SIMC1: variants seen among roughly 807,000 people sequenced by gnomAD.
SIMC1 encodes the protein SUMO interacting motifs containing 1, also known as SUMO-interacting motif-containing protein 1.
SIMC1 carries 55 observed loss-of-function variants against 82.3 expected under a neutral mutation model. The observed-to-expected ratio is 0.67, with a 90% CI of 0.54 to 0.84. The LOEUF (loss-of-function observed/expected upper bound fraction) is 0.84, where lower values mean the gene tolerates loss of function less well. Ranked by LOEUF, SIMC1 falls within the 40% of genes least tolerant of loss-of-function variation. The probability of loss-of-function intolerance (pLI) is 0.00; values close to 1 mark genes in which losing one functional copy is unlikely to be tolerated. For missense variants in SIMC1, 915 were observed against 1,107.2 expected, an observed-to-expected ratio of 0.83 and a Z score of 2.46; for synonymous variants, 353 against 426.3, an observed-to-expected ratio of 0.83 and a Z score of 2.12.
intron 1 of SIMC1, among the ~76,000 whole-genome samples, chr5:176,245,020 C>T (rs1398689121): frequency 6.6e-6 from 1 of 152,106 alleles, no homozygotes; most frequent in African/African-American, 2.4e-5. Context: ...CGCACCCGGC[C>T]AACATTTCTT....
At chr5:176,253,954 T>C (rs1761772479) in intron 1 of SIMC1, among the ~76,000 whole-genome samples, 1 of 152,216 alleles carries the variant, frequency 6.6e-6, no homozygotes, top group Admixed American at 6.5e-5. Context: ...GTGACACCTT[T>C]TGTAACTGTG....
intron 1 of SIMC1, among the ~76,000 whole-genome samples, chr5:176,242,215 C>T (rs2650323): frequency 0.59 from 89,014 of 151,758 alleles, 26,312 homozygotes; most frequent in Middle Eastern, 0.63. Flanking sequence ...ATTATTATCA[C>T]GGTAGTACAG....
At position 176,290,086 on chromosome 5, in the gene SIMC1, A is replaced by G. The variant is rs760832634; in HGVS notation, c.562A>G (p.Thr188Ala). Residue 188 changes from threonine to alanine, a missense_variant, in exon 2 of 10, where the codon ACA (threonine) becomes GCA (alanine). Thr to Ala is a moderately conservative substitution (Grantham distance 58). This residue lies in a region of SIMC1 where 902 missense variants were observed against 1,040.3 expected (regional missense o/e 0.87). Coordinates refer to ENST00000429602, the MANE Select transcript of SIMC1 (RefSeq NM_001308195.2). ...TTCAGATGTTAGCTCCCTCTCCCCA[A>G]CAAGCAATAATAGTAGGAGCAGCAG... ...LSSDVSSLSP[T>A]SNNSRSSSSS... is the part of the protein sequence containing the mutation. The G allele has an allele frequency of 1.1e-5, 17 of 1,607,218 alleles. No individual in the cohort carries two copies. The highest frequency in any genetic ancestry group is 1.7e-5 in the Admixed American group (1 of 58,246).
intron 1 of SIMC1, among the ~76,000 whole-genome samples, chr5:176,276,308 C>T (rs547078089): frequency 4.0e-5 from 6 of 151,552 alleles, no homozygotes; most frequent in East Asian, 1.9e-4. Flanking sequence ...TCTTTGGGAT[C>T]GGTGGTGATC....
intron 4 of SIMC1, 124 bp downstream of exon 4, chr5:176,296,444 G>C: frequency 9.2e-6 from 14 of 1,515,734 alleles, no homozygotes; most frequent in African/African-American, 1.4e-5. Flanking sequence ...CAGGAGGACA[G>C]TTTGAGCCCA....
intron 1 of SIMC1, among the ~76,000 whole-genome samples, chr5:176,278,022 C>T: frequency 7.2e-6 from 1 of 139,608 alleles, no homozygotes; most frequent in African/African-American, 2.7e-5. Context: ...GGCATTGAAT[C>T]TATAAATTAC....
chr5:176,248,269 C>A (rs1761517498), intron 1 of SIMC1, among the ~76,000 whole-genome samples: 1 of 151,964 alleles, frequency 6.6e-6, no homozygotes, highest in Non-Finnish European at 1.5e-5. Context: ...TGTTTGTGTC[C>A]TCTTTTATTT....
At chr5:176,317,588 T>C (rs1333411585) in intron 5 of SIMC1, among the ~76,000 whole-genome samples, 1 of 152,156 alleles carries the variant, frequency 6.6e-6, no homozygotes, top group Non-Finnish European at 1.5e-5. Flanking sequence ...CACACACATA[T>C]TTGCCAGCCT....
At chr5:176,293,782 T>C (rs1327781255) in intron 2 of SIMC1, among the ~76,000 whole-genome samples, 1 of 151,866 alleles carries the variant, frequency 6.6e-6, no homozygotes, top group Non-Finnish European at 1.5e-5. Context: ...TCCAAATTTA[T>C]TGTTATTAAA....
At chr5:176,297,551 A>ATT (rs761642966) in intron 4 of SIMC1, among the ~76,000 whole-genome samples, 17,005 of 150,498 alleles carry the variant, frequency 0.11, 1,045 homozygotes, top group Admixed American at 0.14. Flanking sequence ...CTCTGTAATA[A>ATT]ACAAAGACAG....
intron 3 of SIMC1, among the ~76,000 whole-genome samples, chr5:176,295,785 T>A (rs989901239): frequency 2.0e-5 from 3 of 152,224 alleles, no homozygotes; most frequent in African/African-American, 7.2e-5. Flanking sequence ...AGCCTCAGGC[T>A]TTTATGACAC....
intron 1 of SIMC1, among the ~76,000 whole-genome samples, chr5:176,252,209 G>A (rs1487353307): frequency 3.0e-4 from 29 of 95,416 alleles, no homozygotes; most frequent in African/African-American, 1.0e-3. Context: ...CCGGGCGGGG[G>A]GCTGACCGCC....
intron 1 of SIMC1, among the ~76,000 whole-genome samples, chr5:176,279,827 T>G (rs1413829499): frequency 6.6e-6 from 1 of 152,144 alleles, no homozygotes; most frequent in East Asian, 1.9e-4. Context: ...GATTGCACTG[T>G]GGTCTGAGAG....
intron 1 of SIMC1, chr5:176,263,298 T>A (rs1762078158): frequency 1.4e-5 from 11 of 808,444 alleles, no homozygotes; most frequent in Non-Finnish European, 2.0e-5. Flanking sequence ...GTAAAGTTTA[T>A]ATGGAGGGAC....
chr5:176,303,670 CTTG>C (rs1764141421), intron 4 of SIMC1, among the ~76,000 whole-genome samples: 1 of 152,132 alleles, frequency 6.6e-6, no homozygotes. Context: ...TCTCACACTT[CTTG>C]ACTGTAAAAT....
intron 1 of SIMC1, among the ~76,000 whole-genome samples, chr5:176,286,161 A>G (rs1763270687): frequency 6.6e-6 from 1 of 152,306 alleles, no homozygotes; most frequent in Non-Finnish European, 1.5e-5. Context: ...GGAAGCAGAA[A>G]AGAGCCTGCA....
intron 4 of SIMC1, among the ~76,000 whole-genome samples, chr5:176,305,854 G>T (rs1209251391): frequency 1.3e-5 from 1 of 78,286 alleles, no homozygotes. Context: ...GGAGGGAGGT[G>T]GGGGGGGTCA....
chr5:176,249,388 A>G (rs1252728149), intron 1 of SIMC1, among the ~76,000 whole-genome samples: 1 of 152,108 alleles, frequency 6.6e-6, no homozygotes, highest in Non-Finnish European at 1.5e-5. Context: ...GTTTATTTGC[A>G]TAGAGGTGTG....
chr5:176,331,389 A>C (rs1765662977), intron 7 of SIMC1, among the ~76,000 whole-genome samples: 1 of 148,068 alleles, frequency 6.8e-6, no homozygotes, highest in African/African-American at 2.5e-5. Flanking sequence ...AAAAAAAGTC[A>C]GTATCATGAA....
Sources: gnomAD v4.1 joint callset for allele counts (sites outside exome capture counted in the v4.1 genomes callset) on GRCh38, gnomAD v4.1.1 for gene constraint, gnomAD v4.1.1 regional missense constraint, MANE v1.5 for transcripts, NCBI Gene and HGNC (gene_info 2026-07-23, HGNC 2026-07-21) for gene names.